MRTFB: variants seen among roughly 807,000 people sequenced by gnomAD.
The protein encoded by MRTFB is myocardin related transcription factor B.
A neutral mutation model predicts 104.2 loss-of-function variants in MRTFB; 29 were observed. The observed-to-expected ratio is 0.28, with a 90% CI of 0.21 to 0.38. MRTFB has a LOEUF of 0.38. MRTFB is among the 10% of genes least tolerant of loss of function. The pLI is 1.00. For missense variants in MRTFB, 1,270 were observed against 1,341.6 expected, an observed-to-expected ratio of 0.95 and a Z score of 0.83; for synonymous variants, 535 against 519.5, an observed-to-expected ratio of 1.03 and a Z score of -0.41.
chr16:14,020,565 G>A, the MRTFB span: 1 of 152,152 alleles, frequency 6.6e-6, no homozygotes, highest in South Asian at 2.1e-4. Context: ...GTCACGGAAG[G>A]CCTTTCTGAT....
At chr16:14,230,349 T>C (rs2042202234) in intron 8 of MRTFB, among the ~76,000 whole-genome samples, 2 of 152,030 alleles carry the variant, frequency 1.3e-5, no homozygotes, top group Admixed American at 6.6e-5. Context: ...ACAGGCAACC[T>C]ACAAAATGGG....
In MRTFB at chr16:14,246,729, C is replaced by G; in HGVS notation, c.1469C>G (p.Thr490Ser). ...AAGGCAGAATTGCCACCTACAGGAA[C>G]CAGCAACGCAACCCGTGTGGAAAAT... The part of the protein sequence containing the change: ...TLKAELPPTG[T>S]SNATRVENVH... The change falls in exon 12 of 17, where the codon ACC becomes AGC. Residue 490 changes from threonine (T) to serine (S), a missense_variant. By Grantham distance (58) the Thr-to-Ser change is moderately conservative (BLOSUM62 1). Around this residue, in one of 3 missense-constraint regions of MRTFB, gnomAD observed 1,144 missense variants for 1,131.5 expected, o/e 1.01. Coordinates refer to ENST00000571589, the MANE Select transcript of MRTFB (RefSeq NM_001308142.2). The G allele has an allele frequency of 1.2e-6, 2 of 1,614,156 alleles. No individual in the cohort carries two copies. The highest frequency in any genetic ancestry group is 1.7e-6 in the Non-Finnish European group (2 of 1,180,032).
In MRTFB at chr16:14,073,294, G is replaced by C. The variant is rs537120232; in HGVS notation, c.-129+1929G>C. Reference sequence around the variant, plus strand: ...CCTATGTGTTGTGTGAAGTCTTTTAGATCCAGGCCCCCCAAACCCTAAATG... The same window carrying C: ...CCTATGTGTTGTGTGAAGTCTTTTACATCCAGGCCCCCCAAACCCTAAATG... On this transcript the variant is annotated intron_variant, in intron 1 of 16. Coordinates refer to ENST00000571589, the MANE Select transcript of MRTFB (RefSeq NM_001308142.2). Among the ~76,000 whole-genome samples the C allele has an allele frequency of 1.2e-3, 183 of 152,292 alleles. 1 individual carries two copies. Among genetic ancestry groups the C allele is most frequent in the Non-Finnish European group, 1.2e-3 (82 of 68,020 alleles).
chr16:13,999,859 T>A, the MRTFB span, among the ~76,000 whole-genome samples: 1 of 152,206 alleles, frequency 6.6e-6, no homozygotes, highest in Non-Finnish European at 1.5e-5. Context: ...AGAGCCTATA[T>A]GATAGAAACA....
At chr16:14,144,881 G>A (rs1408399253) in intron 3 of MRTFB, 20 of 150,456 alleles carry the variant, frequency 1.3e-4, no homozygotes, top group African/African-American at 4.6e-4. Flanking sequence ...CCCGGGAGGC[G>A]GAGTTTGCAG....
chr16:14,256,784 T>C (rs1375343329), intron 15 of MRTFB, among the ~76,000 whole-genome samples: 1 of 152,262 alleles, frequency 6.6e-6, no homozygotes, highest in Non-Finnish European at 1.5e-5. Flanking sequence ...CATTATGTTT[T>C]GGAATAATTT....
intron 2 of MRTFB, among the ~76,000 whole-genome samples, chr16:14,110,743 G>A (rs767567297): frequency 6.6e-6 from 1 of 152,036 alleles, no homozygotes; most frequent in African/African-American, 2.4e-5. Context: ...GCTGCTCCAC[G>A]TGAGACCAGG....
chr16:14,101,331 A>T (rs1026127181), intron 2 of MRTFB, among the ~76,000 whole-genome samples: 1 of 152,144 alleles, frequency 6.6e-6, no homozygotes, highest in African/African-American at 2.4e-5. Context: ...TGCAGAGGGA[A>T]TACACAGAAT....
rs147759875 is a variant in MRTFB at position 14,252,193 on chromosome 16, G to A, written c.2565+170G>A. Among the ~76,000 whole-genome samples, 651 of 152,246 alleles carry A rather than the reference G, an allele frequency of 4.3e-3. 7 individuals are homozygous for A. The highest frequency in any genetic ancestry group is 0.015 in the African/African-American group (603 of 41,532). On this transcript the variant is annotated intron_variant, in intron 14 of 16. Coordinates refer to ENST00000571589, the MANE Select transcript of MRTFB (RefSeq NM_001308142.2). ...AGCTATTATCACAGTGAAGATGATC[G>A]TTCGCACATAAGGTGGCCACCAGTG...
chr16:14,173,179 T>C (rs1314513764), intron 3 of MRTFB, among the ~76,000 whole-genome samples: 1 of 152,194 alleles, frequency 6.6e-6, no homozygotes, highest in African/African-American at 2.4e-5. Flanking sequence ...TTTCTGTGTT[T>C]TTCCGGCTTG....
intron 2 of MRTFB, among the ~76,000 whole-genome samples, chr16:14,122,324 G>T (rs1160592428): frequency 6.6e-6 from 1 of 150,838 alleles, no homozygotes; most frequent in East Asian, 1.9e-4. Context: ...TGGGGTACAT[G>T]TGTAGAATAT....
At chr16:14,175,688 T>C in intron 3 of MRTFB, among the ~76,000 whole-genome samples, 1 of 152,186 alleles carries the variant, frequency 6.6e-6, no homozygotes, top group South Asian at 2.1e-4. Flanking sequence ...TTATTCATAG[T>C]AGCTCAAAGT....
chr16:14,059,314 G>A, the MRTFB span, among the ~76,000 whole-genome samples: 1 of 152,004 alleles, frequency 6.6e-6, no homozygotes, highest in African/African-American at 2.4e-5. Context: ...CAGAAGCCTA[G>A]AACTTACTGC....
chr16:14,039,941 T>A, the MRTFB span, among the ~76,000 whole-genome samples: 1 of 151,818 alleles, frequency 6.6e-6, no homozygotes, highest in Non-Finnish European at 1.5e-5. Context: ...AGAGATGGGG[T>A]TTCTCTATGT....
chr16:14,151,793 A>C (rs573449252), intron 3 of MRTFB: 1 of 152,282 alleles, frequency 6.6e-6, no homozygotes, highest in Non-Finnish European at 1.5e-5. Context: ...CAGTGTCTAC[A>C]AAAAAGGATT....
At chr16:14,082,504 T>C (rs1416254709) in intron 2 of MRTFB, among the ~76,000 whole-genome samples, 1 of 152,192 alleles carries the variant, frequency 6.6e-6, no homozygotes, top group Admixed American at 6.5e-5. Context: ...TATTCAAGAT[T>C]GTGTCTGGGT....
intron 3 of MRTFB, chr16:14,148,732 A>G (rs2038455767): frequency 6.6e-6 from 1 of 152,654 alleles, no homozygotes; most frequent in Non-Finnish European, 1.5e-5. Context: ...GAGCATGGGT[A>G]AGTCTAAGGT....
chr16:14,036,147 T>A, the MRTFB span, among the ~76,000 whole-genome samples: 43 of 9,462 alleles, frequency 4.5e-3, no homozygotes, highest in African/African-American at 0.013. Context: ...ATTATATATA[T>A]AATATATATT....
intron 2 of MRTFB, among the ~76,000 whole-genome samples, chr16:14,136,606 C>T (rs1356605815): frequency 6.6e-6 from 1 of 152,098 alleles, no homozygotes; most frequent in Non-Finnish European, 1.5e-5. Flanking sequence ...CTTGTGAACA[C>T]ATATTAGCAC....
Sources: allele counts gnomAD v4.1 joint callset (sites outside exome capture counted in the v4.1 genomes callset), GRCh38; gene constraint gnomAD v4.1.1; regional missense constraint gnomAD v4.1.1; transcripts MANE v1.5; gene names NCBI Gene and HGNC (gene_info 2026-07-23, HGNC 2026-07-21).